NARS2: variants seen among roughly 807,000 people sequenced by gnomAD.
NARS2 encodes the protein asparaginyl-tRNA synthetase 2, mitochondrial, also known as asparaginyl-tRNA synthetase.
NARS2 carries 60 observed loss-of-function variants against 62.9 expected under a neutral mutation model. The ratio of observed to expected loss-of-function variants is 0.95; its 90% CI spans 0.77 to 1.18. NARS2 has a LOEUF of 1.18. NARS2 is among the 50% of genes most tolerant of loss of function. NARS2 has a pLI of 0.00. For synonymous variants in NARS2, 196 were observed against 200.0 expected, an observed-to-expected ratio of 0.98 and a Z score of 0.17; for missense variants, 619 against 576.4, an observed-to-expected ratio of 1.07 and a Z score of -0.76.
At chr11:78,566,995 T>C (rs1856766605) in intron 3 of NARS2, among the ~76,000 whole-genome samples, 1 of 152,138 alleles carries the variant, frequency 6.6e-6, no homozygotes, top group African/African-American at 2.4e-5. Flanking sequence ...ATACAAACTT[T>C]TATGTCGTAT....
chr11:78,503,231 A>T (rs1021983060), intron 6 of NARS2, among the ~76,000 whole-genome samples: 4 of 152,116 alleles, frequency 2.6e-5, no homozygotes, highest in African/African-American at 9.7e-5. Flanking sequence ...ACTCTTAAAA[A>T]GTAAAAAGTT....
chr11:78,500,426 T>C (rs534925069), intron 6 of NARS2, among the ~76,000 whole-genome samples: 1 of 152,342 alleles, frequency 6.6e-6, no homozygotes, highest in Non-Finnish European at 1.5e-5. Context: ...AAGTTACTTT[T>C]TGTCTCCTTC....
At position 78,574,409 on chromosome 11, in the gene NARS2, T is replaced by G. The variant is rs759537113; in HGVS notation, c.80A>C (p.Lys27Thr). The G allele has an allele frequency of 1.9e-6, 3 of 1,614,052 alleles. No homozygotes were observed. The highest frequency in any genetic ancestry group is 2.2e-5 in the East Asian group (1 of 44,892). Residue 27 changes from lysine to threonine, a missense_variant, in exon 1 of 14, where the codon AAA (lysine) becomes ACA (threonine). Transcript: ENST00000281038. Reference sequence around the variant, plus strand: ...CCCGAGAGCGTCCCGCACGCTCAGTTTGGCTGAAGGTTTGTGCTTGGGGAA... The same window carrying G: ...CCCGAGAGCGTCCCGCACGCTCAGTGTGGCTGAAGGTTTGTGCTTGGGGAA... ...APFPKHKPSA[K>T]LSVRDALGAQ... is the part of the protein sequence containing the mutation.
At chr11:78,505,596 T>C (rs1379551971) in intron 6 of NARS2, among the ~76,000 whole-genome samples, 1 of 152,184 alleles carries the variant, frequency 6.6e-6, no homozygotes, top group Non-Finnish European at 1.5e-5. Context: ...TATCTGTCTG[T>C]ATCTTATCAT....
At chr11:78,484,071 T>A (rs1859469825) in intron 7 of NARS2, among the ~76,000 whole-genome samples, 1 of 152,014 alleles carries the variant, frequency 6.6e-6, no homozygotes, top group African/African-American at 2.4e-5. Context: ...AACAGAGACC[T>A]CAGAAATAAC....
In NARS2 at chr11:78,469,274, T is replaced by C. The variant is rs2135227177; in HGVS notation, c.999A>G (p.Ala333=). 1 of 1,613,204 alleles carries C rather than the reference T, an allele frequency of 6.2e-7. No individual in the cohort carries two copies. Among genetic ancestry groups the C allele is most frequent in the Non-Finnish European group, 8.5e-7 (1 of 1,179,344 alleles). The change falls in exon 10 of 14, where the codon GCA becomes GCG. Residue 333 remains alanine, a synonymous_variant. Coordinates refer to ENST00000281038, the MANE Select transcript of NARS2 (RefSeq NM_024678.6). The part of the protein sequence containing the change: ...YTEAVEILKQ[A]SQNFTFTPEW... ...CTGGGGTAAAGGTGAAGTTCTGGGA[T>C]GCTTGCTTTAAGATCTCCACTGCTT...
chr11:78,522,075 C>T (rs144059813), intron 6 of NARS2, among the ~76,000 whole-genome samples: 2 of 151,650 alleles, frequency 1.3e-5, no homozygotes, highest in Non-Finnish European at 2.9e-5. Context: ...GCCTTAGCAT[C>T]GCAAGTAGTT....
intron 2 of NARS2, 74 bp downstream of exon 2, chr11:78,571,261 C>A: frequency 1.1e-6 from 1 of 886,806 alleles, no homozygotes; most frequent in South Asian, 1.4e-5. Context: ...AACGTAAACA[C>A]TGGAGTAGGG....
intron 6 of NARS2, among the ~76,000 whole-genome samples, chr11:78,512,880 A>T (rs1860768023): frequency 1.3e-5 from 2 of 152,190 alleles, no homozygotes; most frequent in Non-Finnish European, 2.9e-5. Flanking sequence ...CACATCACGG[A>T]ATATTGGGTA....
Position 78,545,477 on chromosome 11 carries a change from C to T in NARS2, c.594+14062G>A, listed in dbSNP as rs546100657. On this transcript the variant is annotated intron_variant, in intron 5 of 13. Transcript: ENST00000281038. ...GTTCCTTCTGACTGAAATGTTCTTTCCCAGGTATCAACATTACTTACTCCC... is the reference window on the plus strand; with the variant it reads ...GTTCCTTCTGACTGAAATGTTCTTTTCCAGGTATCAACATTACTTACTCCC... Among the ~76,000 whole-genome samples, 198 of 152,030 alleles carry T rather than the reference C, an allele frequency of 1.3e-3. 2 individuals are homozygous for T. The highest frequency in any genetic ancestry group is 2.6e-3 in the Non-Finnish European group (178 of 67,972).
chr11:78,519,826 G>A (rs140418566), intron 6 of NARS2, among the ~76,000 whole-genome samples: 2 of 151,648 alleles, frequency 1.3e-5, no homozygotes, highest in Non-Finnish European at 2.9e-5. Context: ...TCAGCTTCCC[G>A]AGTAGCTGGG....
chr11:78,450,691 C>A (rs1388893857), intron 11 of NARS2, among the ~76,000 whole-genome samples: 1 of 100,788 alleles, frequency 9.9e-6, no homozygotes, highest in East Asian at 3.3e-4. Flanking sequence ...TTTTTTTTTC[C>A]TGAGACTGAG....
At chr11:78,559,301 C>CAAAAAAAAAA (rs10627726) in intron 5 of NARS2, among the ~76,000 whole-genome samples, 4 of 58,444 alleles carry the variant, frequency 6.8e-5, no homozygotes, top group African/African-American at 2.4e-4. Flanking sequence ...GACTCCATCT[C>CAAAAAAAAAA]AAAAAAAAAA....
intron 5 of NARS2, 103 bp downstream of exon 5, chr11:78,559,436 C>T: frequency 4.1e-6 from 3 of 738,950 alleles, no homozygotes; most frequent in Admixed American, 2.1e-5. Flanking sequence ...ATTTCAGGTG[C>T]TGCTCATAGT....
intron 12 of NARS2, 146 bp from the exon 13 acceptor site, chr11:78,441,263 T>C: frequency 1.6e-6 from 1 of 634,904 alleles, no homozygotes; most frequent in Non-Finnish European, 2.7e-6. Context: ...TCAATATAGT[T>C]GAGGAGCTGA....
At chr11:78,517,547 T>C (rs897031922) in intron 6 of NARS2, among the ~76,000 whole-genome samples, 4 of 152,170 alleles carry the variant, frequency 2.6e-5, no homozygotes, top group African/African-American at 9.7e-5. Context: ...TGTTCAACCA[T>C]TTTTTCCATT....
At chr11:78,521,769 G>A (rs112584816) in intron 6 of NARS2, among the ~76,000 whole-genome samples, 2,857 of 116,222 alleles carry the variant, frequency 0.025, 97 homozygotes, top group African/African-American at 0.09. Context: ...CAGCCTGGGC[G>A]ACAGAGCGAG....
chr11:78,456,851 G>A (rs182081704), intron 11 of NARS2, among the ~76,000 whole-genome samples: 197 of 152,318 alleles, frequency 1.3e-3, no homozygotes, highest in African/African-American at 4.5e-3. Context: ...AGAGGCATAT[G>A]GCATTTTGCA....
At chr11:78,562,939 A>G (rs987072900) in intron 4 of NARS2, among the ~76,000 whole-genome samples, 2 of 152,220 alleles carry the variant, frequency 1.3e-5, no homozygotes, top group Non-Finnish European at 2.9e-5. Context: ...TAGCAAACCC[A>G]AAGTAACAGA....
Sources: gnomAD v4.1 joint callset for allele counts (sites outside exome capture counted in the v4.1 genomes callset) on GRCh38, gnomAD v4.1.1 for gene constraint, MANE v1.5 for transcripts, NCBI Gene and HGNC (gene_info 2026-07-23, HGNC 2026-07-21) for gene names.